ZNFX1: variants seen among roughly 807,000 people sequenced by gnomAD.
ZNFX1 encodes the protein NFX1-type zinc finger-containing protein 1.
A neutral mutation model predicts 179.8 loss-of-function variants in ZNFX1; 78 were observed. The observed-to-expected ratio is 0.43, with a 90% CI of 0.36 to 0.52. ZNFX1 has a LOEUF of 0.52. Ranked by LOEUF, ZNFX1 falls within the 20% of genes least tolerant of loss-of-function variation. The pLI, the probability that ZNFX1 is intolerant of heterozygous loss-of-function variation, is 0.00. For synonymous variants in ZNFX1, 848 were observed against 868.5 expected, an observed-to-expected ratio of 0.98 and a Z score of 0.42; for missense variants, 1,927 against 2,386.6, an observed-to-expected ratio of 0.81 and a Z score of 4.01.
chr20:49,254,018 ATTTCTTT>A (rs1158886288), intron 10 of ZNFX1, among the ~76,000 whole-genome samples: 2 of 120,500 alleles, frequency 1.7e-5, no homozygotes, highest in Admixed American at 8.5e-5. Context: ...AAGTGAGTGA[ATTTCTTT>A]TTTCTTTTTT....
intron 6 of ZNFX1, 55 bp downstream of exon 6, chr20:49,263,279 T>C (rs960688481): frequency 2.5e-6 from 4 of 1,583,204 alleles, no homozygotes; most frequent in African/African-American, 1.3e-5. Context: ...TCCTGGAGGC[T>C]ACCTCAAAGT....
chr20:49,261,050 C>T (rs969744702), intron 6 of ZNFX1, among the ~76,000 whole-genome samples: 20 of 152,128 alleles, frequency 1.3e-4, no homozygotes, highest in Non-Finnish European at 2.6e-4. Flanking sequence ...CACTACACTC[C>T]GGCCTGGGTG....
chr20:49,273,709 C>T (rs1034770590), intron 2 of ZNFX1, among the ~76,000 whole-genome samples: 3 of 152,090 alleles, frequency 2.0e-5, no homozygotes, highest in South Asian at 4.1e-4. Context: ...GCAGGCAGAT[C>T]GCTTGAGCTC....
chr20:49,266,545 C>A, intron 3 of ZNFX1, among the ~76,000 whole-genome samples: 1 of 151,842 alleles, frequency 6.6e-6, no homozygotes, highest in Non-Finnish European at 1.5e-5. Context: ...CTAGACTTCC[C>A]CTTTTCTCCT....
intron 2 of ZNFX1, among the ~76,000 whole-genome samples, 196 bp from the exon 3 acceptor site, chr20:49,271,946 T>A (rs1007572062): frequency 2.6e-5 from 4 of 152,200 alleles, no homozygotes; most frequent in African/African-American, 9.7e-5. Context: ...GAAAATATTA[T>A]TTTTACAAAG....
chr20:49,258,589 T>C (rs1981032933), intron 7 of ZNFX1, among the ~76,000 whole-genome samples: 1 of 152,072 alleles, frequency 6.6e-6, no homozygotes, highest in South Asian at 2.1e-4. Flanking sequence ...GTGGATCACC[T>C]GACGTCAGGA....
chr20:49,254,041 T>C (rs1980908983), intron 10 of ZNFX1, among the ~76,000 whole-genome samples: 1 of 149,916 alleles, frequency 6.7e-6, no homozygotes, highest in Admixed American at 6.6e-5. Flanking sequence ...TTTTTTTTTT[T>C]TCTTTGAGAC....
chr20:49,256,032 G>A (rs944430833), intron 8 of ZNFX1, 85 bp from the exon 9 acceptor site: 8 of 1,496,868 alleles, frequency 5.3e-6, no homozygotes, highest in African/African-American at 1.4e-5. Flanking sequence ...CAGCACGTAA[G>A]AAAAAGGGCT....
chr20:49,270,852 A>C lies in ZNFX1; in HGVS notation c.960T>G (p.Thr320=). ...GGTCTTCTGCCTCAGGCTGCACTAG[A>C]GTGTAGGTATCCACTCTCAAAGTGC... ...REGTLRVDTY[T]LVQPEAEDHV... is the part of the protein sequence containing the mutation. Residue 320 remains threonine (T), a synonymous_variant, in exon 3 of 14, where the codon ACT becomes ACG. Transcript: ENST00000396105. The surrounding 1 kb of genome is among the most constrained non-coding windows in gnomAD (Gnocchi z 4.6). 1.2e-6 allele frequency: 2 copies of C among 1,614,098 alleles called. No individual in the cohort carries two copies. Among genetic ancestry groups the C allele is most frequent in the Non-Finnish European group, 1.7e-6 (2 of 1,180,016 alleles).
chr20:49,248,933 G>C lies in ZNFX1; in HGVS notation c.4091C>G (p.Ser1364Cys). 6.2e-7 allele frequency: 1 copy of C among 1,614,274 alleles called. No homozygotes were observed. The highest frequency in any genetic ancestry group is 8.5e-7 in the Non-Finnish European group (1 of 1,180,054). Residue 1364 changes from serine to cysteine, a missense_variant, in exon 14 of 14, where the codon TCC (serine) becomes TGC (cysteine). By Grantham distance (112) the Ser-to-Cys change is moderately radical. Transcript: ENST00000396105. This position sits in a 1 kb window ranked among gnomAD's most constrained non-coding sequence, Gnocchi z 4.6. Reference protein sequence around the residue: ...RCGHEQMVPCSVPESDFCCQE... With the variant: ...RCGHEQMVPCCVPESDFCCQE... ...GCAGCAGAAATCTGACTCAGGCACG[G>C]AACAAGGGACCATTTGTTCATGGCC...
intron 9 of ZNFX1, 57 bp from the exon 10 acceptor site, chr20:49,254,706 G>A (rs1020606759): frequency 4.2e-5 from 67 of 1,589,452 alleles, no homozygotes; most frequent in Non-Finnish European, 5.6e-5. Flanking sequence ...GAAGGTGGAA[G>A]AACGCCCTTC....
At position 49,247,176 on chromosome 20, in the gene ZNFX1, T is replaced by A. The variant is rs1482701517; in HGVS notation, c.*91A>T. ...GCCACTGCGCCCAGCCTAAAAAGGA[T>A]GATAATAAAAAACAAACTTCAGTTC... On this transcript the variant is annotated 3_prime_UTR_variant, in exon 14 of 14. Transcript: ENST00000396105. 1 of 1,501,714 alleles carries A rather than the reference T, an allele frequency of 6.7e-7. No homozygotes were observed. The highest frequency in any genetic ancestry group is 8.9e-7 in the Non-Finnish European group (1 of 1,119,538). 93.0% of individuals were successfully genotyped at this position (1,501,714 alleles called of 1,614,324 possible). A position where few individuals can be genotyped will look rare whatever the true frequency, so the allele number is the denominator to read the frequency against.
Position 49,249,008 on chromosome 20 carries a change from T to A in ZNFX1, c.4016A>T (p.Gln1339Leu). The change falls in exon 14 of 14, where the codon CAG (glutamine) becomes CTG (leucine). Residue 1339 changes from glutamine (Q) to leucine (L), a missense_variant. By Grantham distance (113) the Gln-to-Leu change is moderately radical (BLOSUM62 -2). Transcript: ENST00000396105. ...EGHRCPLVCFQECQPCQVKVP... is the reference protein window; with the variant it reads ...EGHRCPLVCFLECQPCQVKVP... ...CTTCACCTGACAAGGCTGACACTCC[T>A]GGAAGCAAACAAGGGGACACCGGTG... The A allele has an allele frequency of 1.9e-6, 3 of 1,614,206 alleles. No individual in the cohort carries two copies. Among genetic ancestry groups the A allele is most frequent in the Non-Finnish European group, 2.5e-6 (3 of 1,180,016 alleles).
chr20:49,273,717 C>T (rs1333412206), intron 2 of ZNFX1, among the ~76,000 whole-genome samples: 1 of 152,050 alleles, frequency 6.6e-6, no homozygotes, highest in Non-Finnish European at 1.5e-5. Context: ...ATCGCTTGAG[C>T]TCAGGAGTTT....
At position 49,246,890 on chromosome 20, in the gene ZNFX1, CAG is replaced by C. The variant is rs1391710573; in HGVS notation, c.*375_*376del. 7 of 458,354 alleles carry C rather than the reference CAG, an allele frequency of 1.5e-5. No homozygotes were observed. The highest frequency in any genetic ancestry group is 7.1e-5 in the Admixed American group (3 of 42,402). 28.4% of individuals were successfully genotyped at this position (458,354 alleles called of 1,614,324 possible). The stretch of plus-strand genomic sequence containing the variant: ...AAGAATGATTTTTTTTTTTTTGAGA[CAG>C]AGTCTTGCTCCTGTCGCCCAGACTG... On this transcript the variant is annotated 3_prime_UTR_variant, in exon 14 of 14. Coordinates refer to ENST00000396105, the MANE Select transcript of ZNFX1 (RefSeq NM_021035.3).
At chr20:49,263,126 C>T (rs1219855336) in intron 6 of ZNFX1, among the ~76,000 whole-genome samples, 1 of 152,130 alleles carries the variant, frequency 6.6e-6, no homozygotes, top group Non-Finnish European at 1.5e-5. Context: ...TTGTCCAGAG[C>T]CAAGCTCAGA....
intron 7 of ZNFX1, among the ~76,000 whole-genome samples, chr20:49,260,254 A>C (rs1352903125): frequency 2.0e-5 from 3 of 146,584 alleles, no homozygotes; most frequent in Non-Finnish European, 3.0e-5. Flanking sequence ...ACACCACTGC[A>C]CTCCAGCCTG....
At chr20:49,262,332 G>C (rs1981133664) in intron 6 of ZNFX1, among the ~76,000 whole-genome samples, 1 of 151,362 alleles carries the variant, frequency 6.6e-6, no homozygotes, top group Non-Finnish European at 1.5e-5. Flanking sequence ...CTTGAACCCG[G>C]GAGGCGGAGG....
In ZNFX1 at chr20:49,247,483, G is replaced by A. The variant is rs777626035; in HGVS notation, c.5541C>T (p.Phe1847=). 2.5e-5 allele frequency: 41 copies of A among 1,614,028 alleles called. No individual in the cohort carries two copies. Among genetic ancestry groups the A allele is most frequent in the Non-Finnish European group, 3.2e-5 (38 of 1,180,044 alleles). ...CATAGATATGGCCATTGCGGCACTT[G>A]AACCAGTGACCACGAGGATAACCTA... ...SAIGYPRGHW[F]KCRNGHIYVI... The change falls in exon 14 of 14, where the codon TTC becomes TTT. Residue 1847 remains phenylalanine, a synonymous_variant. Coordinates refer to ENST00000396105, the MANE Select transcript of ZNFX1 (RefSeq NM_021035.3).
Sources: allele counts gnomAD v4.1 joint callset (sites outside exome capture counted in the v4.1 genomes callset), GRCh38; gene constraint gnomAD v4.1.1; non-coding constraint Gnocchi (gnomAD v3.1); transcripts MANE v1.5; gene names NCBI Gene and HGNC (gene_info 2026-07-23, HGNC 2026-07-21).